Variants in GUK1 observed in about 807,000 individuals in gnomAD.
The protein encoded by GUK1 is guanylate kinase 1, also known as guanylate kinase.
Under a neutral mutation model 25.2 loss-of-function variants are expected in GUK1, and 18 were observed. The ratio of observed to expected loss-of-function variants is 0.71; its 90% CI spans 0.49 to 1.06. GUK1 has a LOEUF of 1.06. GUK1 is among the 50% of genes least tolerant of loss of function. The pLI is 0.00. For synonymous variants in GUK1, 105 were observed against 117.6 expected, an observed-to-expected ratio of 0.89 and a Z score of 0.69; for missense variants, 261 against 276.7, an observed-to-expected ratio of 0.94 and a Z score of 0.40.
At position 228,146,068 on chromosome 1, in the gene GUK1, G is replaced by C; in HGVS notation, c.154+1G>C. On this transcript the variant is annotated splice_donor_variant, in intron 4 of 8. Transcript: ENST00000312726. LOFTEE classifies it high-confidence loss of function. ...AGGCCCGGCGAGGAGAACGGCAAAG[G>C]TGAGTGGGGTGGGGCCCTATGGCTG... 6.2e-7 allele frequency: 1 copy of C among 1,605,914 alleles called. No individual in the cohort carries two copies. Among genetic ancestry groups the C allele is most frequent in the Non-Finnish European group, 8.5e-7 (1 of 1,172,752 alleles).
At chr1:228,142,005 G>A (rs529601438) in intron 2 of GUK1, among the ~76,000 whole-genome samples, 5 of 152,402 alleles carry the variant, frequency 3.3e-5, no homozygotes, top group African/African-American at 1.2e-4. Flanking sequence ...GGTTTCCACC[G>A]CAAGATTGCA....
chr1:228,146,751 C>A, intron 4 of GUK1, 91 bp from the exon 4 acceptor site: 1 of 819,548 alleles, frequency 1.2e-6, no homozygotes, highest in Non-Finnish European at 2.2e-6. Context: ...GTGGGAGGGG[C>A]CTGCAGGCAT....
At chr1:228,141,301 T>A (rs2034028779) in intron 2 of GUK1, 1 of 974,246 alleles carries the variant, frequency 1.0e-6, no homozygotes, top group African/African-American at 1.8e-5. Flanking sequence ...AAAGGAATGT[T>A]CCTGTCCCCC....
Position 228,148,882 on chromosome 1 carries a change from C to T in GUK1, c.*185C>T, listed in dbSNP as rs747117280. On this transcript the variant is annotated 3_prime_UTR_variant, in exon 9 of 9. Coordinates refer to ENST00000312726, the MANE Select transcript of GUK1 (RefSeq NM_000858.7). Reference sequence around the variant, plus strand: ...CGACCCAGCCTCGCTGGGCTGTCCCCTGTCCCTATCTCTCACTCTGGACCC... The same window carrying T: ...CGACCCAGCCTCGCTGGGCTGTCCCTTGTCCCTATCTCTCACTCTGGACCC... 5 of 1,455,082 alleles carry T rather than the reference C, an allele frequency of 3.4e-6. No homozygotes were observed. Among genetic ancestry groups the T allele is most frequent in the South Asian group, 2.5e-5 (2 of 80,542 alleles). The allele number at this position is 1,455,082 out of a possible 1,614,324, so 90.1% of individuals were successfully genotyped here.
rs554339081 is a variant in GUK1 at position 228,140,526 on chromosome 1, G to A, written c.-168+163G>A. ...CCTGAGAACGGGGGAGCTCTGGAGG[G>A]CGGACGGGCTGGCAACGCAGCGGAG... On this transcript the variant is annotated intron_variant, in intron 1 of 8. Transcript: ENST00000312726. Among the ~76,000 whole-genome samples the A allele has an allele frequency of 1.1e-4, 16 of 152,374 alleles. 1 individual carries two copies. In the South Asian group the frequency reaches 3.3e-3, roughly 32 times the overall value.
chr1:228,146,905 A>T lies in GUK1; in HGVS notation c.218A>T (p.His73Leu). ...ATAGCAGCCGGCGACTTCATCGAGC[A>T]TGCCGAGTTCTCGGGGAACCTGTAT... The change falls in exon 5 of 9, where the codon CAT (histidine) becomes CTT (leucine). Residue 73 changes from histidine (H) to leucine (L), a missense_variant. Physicochemically the swap from His to Leu is moderately conservative, Grantham distance 99. Coordinates refer to ENST00000312726, the MANE Select transcript of GUK1 (RefSeq NM_000858.7). 4 of 1,613,766 alleles carry T rather than the reference A, an allele frequency of 2.5e-6. No homozygotes were observed. Among genetic ancestry groups the T allele is most frequent in the Non-Finnish European group, 3.4e-6 (4 of 1,179,740 alleles).
At position 228,148,049 on chromosome 1, in the gene GUK1, G is replaced by A. The variant is rs139951240; in HGVS notation, c.476-322G>A. 74 of 576,768 alleles carry A rather than the reference G, an allele frequency of 1.3e-4. 1 individual carries two copies. Among genetic ancestry groups the A allele is most frequent in the African/African-American group, 1.2e-3 (67 of 53,608 alleles). 35.7% of individuals were successfully genotyped at this position (576,768 alleles called of 1,614,324 possible). A position where few individuals can be genotyped will look rare whatever the true frequency, so the allele number is the denominator to read the frequency against. On this transcript the variant is annotated intron_variant, in intron 7 of 8. Coordinates refer to ENST00000312726, the MANE Select transcript of GUK1 (RefSeq NM_000858.7). ...CTTACAGCTGTTGCCTCTTCTCTGG[G>A]TCTGACTGCAGCCCACAAGAAGAGG...
intron 2 of GUK1, chr1:228,141,314 G>T: frequency 4.1e-6 from 4 of 965,056 alleles, no homozygotes; most frequent in Non-Finnish European, 4.9e-6. Flanking sequence ...TGTCCCCCCC[G>T]GGGAAAGAAA....
chr1:228,141,384 A>G (rs1036286298), intron 2 of GUK1: 25 of 518,836 alleles, frequency 4.8e-5, no homozygotes, highest in Non-Finnish European at 6.0e-5. Context: ...GAGGTTGCTG[A>G]AGGCCAGGAT....
At chr1:228,142,882 G>A (rs1222168715) in intron 2 of GUK1, among the ~76,000 whole-genome samples, 1 of 151,882 alleles carries the variant, frequency 6.6e-6, no homozygotes, top group East Asian at 2.0e-4. Flanking sequence ...TCCCCCTTCT[G>A]AGGACGCAAA....
intron 3 of GUK1, 85 bp from the exon 3 acceptor site, chr1:228,145,941 A>G: frequency 1.0e-6 from 1 of 995,404 alleles, no homozygotes; most frequent in Non-Finnish European, 1.6e-6. Context: ...CCTGGGGCTC[A>G]AGTGCTGTCG....
At chr1:228,146,589 A>C in intron 4 of GUK1, 2 of 522,786 alleles carry the variant, frequency 3.8e-6, no homozygotes, top group Non-Finnish European at 6.9e-6. Context: ...CATCACCACC[A>C]ACTCCCAACT....
intron 4 of GUK1, chr1:228,146,359 T>G: frequency 1.9e-6 from 1 of 513,332 alleles, no homozygotes; most frequent in Non-Finnish European, 3.5e-6. Flanking sequence ...GACTCGGCAC[T>G]TATCAGCACT....
chr1:228,140,455 G>A (rs2033979647), intron 1 of GUK1, 92 bp downstream of exon 1: 6 of 897,352 alleles, frequency 6.7e-6, no homozygotes, highest in African/African-American at 3.5e-5. Flanking sequence ...GCCGCCTCCG[G>A]ATCTCCTCCT....
chr1:228,144,864 G>C (rs78644033), intron 2 of GUK1: 44 of 270,250 alleles, frequency 1.6e-4, no homozygotes, highest in African/African-American at 1.0e-3. Context: ...GGGGCTGGGA[G>C]GGAGGCCTCC....
At chr1:228,142,641 T>G (rs1473403668) in intron 2 of GUK1, among the ~76,000 whole-genome samples, 6 of 152,090 alleles carry the variant, frequency 3.9e-5, no homozygotes, top group Non-Finnish European at 8.8e-5. Flanking sequence ...CTGATCGTTG[T>G]CAGGGCCCTG....
intron 3 of GUK1, 26 bp from the exon 3 acceptor site, chr1:228,146,000 C>A (rs199710311): frequency 6.3e-7 from 1 of 1,593,380 alleles, no homozygotes; most frequent in African/African-American, 1.3e-5. Context: ...GAGCAGCCCC[C>A]GATGGGTGAC....
intron 2 of GUK1, among the ~76,000 whole-genome samples, chr1:228,142,832 T>G (rs773711889): frequency 6.6e-6 from 1 of 151,494 alleles, no homozygotes; most frequent in African/African-American, 2.4e-5. Flanking sequence ...GAGACCAGGG[T>G]CTTGTGGTAG....
intron 2 of GUK1, chr1:228,144,768 G>T (rs982850201): frequency 1.0e-4 from 102 of 978,096 alleles, no homozygotes; most frequent in Non-Finnish European, 1.2e-4. Flanking sequence ...CCCTGTTCTT[G>T]GGGAGGATTC....
Sources: allele counts gnomAD v4.1 joint callset (sites outside exome capture counted in the v4.1 genomes callset), GRCh38; gene constraint gnomAD v4.1.1; transcripts MANE v1.5; gene names NCBI Gene and HGNC (gene_info 2026-07-23, HGNC 2026-07-21).